CTNNA3: variants seen among roughly 807,000 people sequenced by gnomAD.
The protein encoded by CTNNA3 is catenin alpha-3.
CTNNA3 carries 76 observed loss-of-function variants against 95.7 expected under a neutral mutation model. The observed-to-expected ratio is 0.79, with a 90% CI of 0.66 to 0.96. The LOEUF (loss-of-function observed/expected upper bound fraction) is 0.96. Ranked by LOEUF, CTNNA3 falls within the 40% of genes least tolerant of loss-of-function variation. CTNNA3 has a pLI of 0.00. For synonymous variants in CTNNA3, 431 were observed against 374.4 expected, an observed-to-expected ratio of 1.15 and a Z score of -1.74; for missense variants, 1,191 against 1,089.8, an observed-to-expected ratio of 1.09 and a Z score of -1.31.
chr10:66,766,232 A>G, intron 9 of CTNNA3, 32 bp downstream of exon 9: 1 of 1,606,030 alleles, frequency 6.2e-7, no homozygotes, highest in South Asian at 1.1e-5. Flanking sequence ...ATTCTCCTGG[A>G]CTTTAGTGAG....
chr10:66,772,800 A>C (rs762300457), intron 8 of CTNNA3, among the ~76,000 whole-genome samples: 1 of 152,204 alleles, frequency 6.6e-6, no homozygotes, highest in East Asian at 1.9e-4. Context: ...ATGTTTCTGC[A>C]TTACTGATAG....
intron 13 of CTNNA3, among the ~76,000 whole-genome samples, chr10:66,236,739 C>G (rs1019730768): frequency 6.6e-6 from 1 of 151,962 alleles, no homozygotes. Context: ...TTCCAACATG[C>G]TTTTGTTCAT....
At position 67,727,181 on chromosome 10, in the gene CTNNA3, T is replaced by G. The variant is rs545203179; in HGVS notation, c.-2+36253A>C. Reference sequence around the variant, plus strand: ...TATATATAATATATGATACATATATTATATATATTATGTGTATATATACCT... The same window carrying G: ...TATATATAATATATGATACATATATGATATATATTATGTGTATATATACCT... On this transcript the variant is annotated intron_variant, in intron 1 of 17. Transcript: ENST00000684154. Among the ~76,000 whole-genome samples, 69 of 127,104 alleles carry G rather than the reference T, an allele frequency of 5.4e-4. No individual in the cohort carries two copies. In the South Asian group the frequency reaches 0.014, roughly 26 times the overall value. 83.4% of individuals were successfully genotyped at this position (127,104 alleles called of 152,430 possible). A position where few individuals can be genotyped will look rare whatever the true frequency, so the allele number is the denominator to read the frequency against.
intron 5 of CTNNA3, among the ~76,000 whole-genome samples, chr10:67,435,204 T>C (rs1329777841): frequency 1.3e-5 from 2 of 152,040 alleles, no homozygotes; most frequent in African/African-American, 4.8e-5. Context: ...TCAAGTGTAA[T>C]TACTGCTCCT....
chr10:67,675,971 T>G (rs534252526), intron 1 of CTNNA3, among the ~76,000 whole-genome samples: 46 of 152,138 alleles, frequency 3.0e-4, no homozygotes, highest in Non-Finnish European at 6.2e-4. Context: ...TATATTTTCC[T>G]CTAGAATGCA....
At chr10:66,204,338 C>G (rs2087621650) in intron 13 of CTNNA3, among the ~76,000 whole-genome samples, 4 of 151,936 alleles carry the variant, frequency 2.6e-5, no homozygotes, top group African/African-American at 9.7e-5. Context: ...GAATAATGAC[C>G]CAATGTGACT....
intron 5 of CTNNA3, among the ~76,000 whole-genome samples, chr10:67,391,812 C>G (rs1025210408): frequency 6.6e-6 from 1 of 151,216 alleles, no homozygotes; most frequent in African/African-American, 2.5e-5. Context: ...GGAAAGGATT[C>G]CCTGTTTAAT....
chr10:66,000,824 T>G (rs991944202), intron 15 of CTNNA3, among the ~76,000 whole-genome samples: 3 of 152,192 alleles, frequency 2.0e-5, no homozygotes, highest in African/African-American at 4.8e-5. Flanking sequence ...ACAGACAAGT[T>G]AAACGTAGCT....
chr10:66,071,590 A>G (rs1273889488), intron 14 of CTNNA3, among the ~76,000 whole-genome samples: 2 of 152,170 alleles, frequency 1.3e-5, no homozygotes, highest in Non-Finnish European at 2.9e-5. Context: ...TATTGCCCAC[A>G]ATATACCAAT....
At chr10:67,108,279 A>C (rs781621025) in intron 7 of CTNNA3, among the ~76,000 whole-genome samples, 2 of 152,140 alleles carry the variant, frequency 1.3e-5, no homozygotes, top group Non-Finnish European at 2.9e-5. Flanking sequence ...GATACATAAG[A>C]AGCTACTTTA....
At chr10:66,461,577 C>T (rs570919411) in intron 11 of CTNNA3, among the ~76,000 whole-genome samples, 9 of 151,516 alleles carry the variant, frequency 5.9e-5, no homozygotes, top group Non-Finnish European at 1.2e-4. Flanking sequence ...CAGGACACTT[C>T]TTAAGGGATT....
chr10:67,464,774 G>A (rs1847519784), intron 5 of CTNNA3, among the ~76,000 whole-genome samples: 1 of 151,578 alleles, frequency 6.6e-6, no homozygotes. Flanking sequence ...GATTATTCAG[G>A]ATGTATAAAA....
At chr10:67,496,663 T>G (rs897732924) in intron 5 of CTNNA3, among the ~76,000 whole-genome samples, 10 of 152,170 alleles carry the variant, frequency 6.6e-5, no homozygotes, top group African/African-American at 2.4e-4. Flanking sequence ...GAATAAAATT[T>G]TAATTGCTTA....
At chr10:67,075,012 T>C (rs1856674414) in intron 7 of CTNNA3, among the ~76,000 whole-genome samples, 1 of 152,186 alleles carries the variant, frequency 6.6e-6, no homozygotes, top group Non-Finnish European at 1.5e-5. Context: ...TACTTAAAGA[T>C]GCATTTGGCA....
intron 11 of CTNNA3, among the ~76,000 whole-genome samples, chr10:66,517,950 T>G (rs1487189672): frequency 6.6e-6 from 1 of 152,144 alleles, no homozygotes; most frequent in Non-Finnish European, 1.5e-5. Flanking sequence ...CTTTTTATTA[T>G]CCTCCTGTAC....
At chr10:66,587,655 C>T (rs770769482) in intron 10 of CTNNA3, among the ~76,000 whole-genome samples, 2 of 152,104 alleles carry the variant, frequency 1.3e-5, no homozygotes, top group African/African-American at 2.4e-5. Flanking sequence ...CAGAAGAATC[C>T]GCATGGGATG....
chr10:67,097,220 A>T (rs1858052214), intron 7 of CTNNA3, among the ~76,000 whole-genome samples: 2 of 151,914 alleles, frequency 1.3e-5, no homozygotes, highest in Admixed American at 1.3e-4. Flanking sequence ...TAATAGGATA[A>T]TTAACACTAA....
At chr10:66,061,213 T>C (rs2080191949) in intron 15 of CTNNA3, among the ~76,000 whole-genome samples, 1 of 152,126 alleles carries the variant, frequency 6.6e-6, no homozygotes, top group Non-Finnish European at 1.5e-5. Context: ...GGAACAGAGA[T>C]GCCTTGCTGC....
intron 3 of CTNNA3, among the ~76,000 whole-genome samples, chr10:67,554,201 A>C (rs1589418652): frequency 6.6e-6 from 1 of 152,220 alleles, no homozygotes. Flanking sequence ...GCTATTGTGA[A>C]TAGTGCCACA....
Sources: gnomAD v4.1 joint callset for allele counts (sites outside exome capture counted in the v4.1 genomes callset) on GRCh38, gnomAD v4.1.1 for gene constraint, MANE v1.5 for transcripts, NCBI Gene and HGNC (gene_info 2026-07-23, HGNC 2026-07-21) for gene names.